Variants in VWC2L observed in about 807,000 individuals in gnomAD.
VWC2L encodes the protein von Willebrand factor C domain-containing protein 2-like.
In VWC2L, 10 loss-of-function variants were observed where a neutral mutation model predicts 21.6. The observed-to-expected ratio is 0.46, with a 90% confidence interval of 0.29 to 0.78. The LOEUF is 0.78. VWC2L is among the 30% of genes least tolerant of loss of function. VWC2L has a pLI of 0.10. For synonymous variants in VWC2L, 96 were observed against 94.3 expected (o/e 1.02, Z -0.10); for missense variants, 209 against 277.1 (o/e 0.75, Z 1.74).
chr2:214,442,910 C>T (rs1467678832), intron 3 of VWC2L, among the ~76,000 whole-genome samples: 1 of 152,110 alleles, frequency 6.6e-6, no homozygotes, highest in Non-Finnish European at 1.5e-5. Flanking sequence ...AGAGGAAATG[C>T]AGTTCATATA....
chr2:214,430,131 A>C (rs1702578161), intron 2 of VWC2L, among the ~76,000 whole-genome samples: 1 of 147,062 alleles, frequency 6.8e-6, no homozygotes, highest in African/African-American at 2.5e-5. Context: ...GCCAGGAAGA[A>C]AATAATTTTA....
At chr2:214,529,727 T>G (rs12471719) in intron 3 of VWC2L, among the ~76,000 whole-genome samples, 64,009 of 151,848 alleles carry the variant, frequency 0.42, 14,090 homozygotes, top group East Asian at 0.74. Flanking sequence ...TTTTCATTAT[T>G]GCATCGATTC....
At chr2:214,501,548 C>T (rs1688890708) in intron 3 of VWC2L, among the ~76,000 whole-genome samples, 1 of 151,874 alleles carries the variant, frequency 6.6e-6, no homozygotes, top group Non-Finnish European at 1.5e-5. Flanking sequence ...ATGGTGAAAC[C>T]CCATCTCTAA....
intron 2 of VWC2L, among the ~76,000 whole-genome samples, chr2:214,416,867 C>A (rs1452207387): frequency 2.0e-5 from 3 of 152,052 alleles, no homozygotes; most frequent in South Asian, 2.1e-4. Context: ...GACGGGTACA[C>A]AATAGGTATT....
At chr2:214,563,946 T>A (rs1690021499) in intron 3 of VWC2L, among the ~76,000 whole-genome samples, 1 of 152,322 alleles carries the variant, frequency 6.6e-6, no homozygotes, top group South Asian at 2.1e-4. Flanking sequence ...AAAACCCCAC[T>A]GTCTCAGCCC....
intron 3 of VWC2L, among the ~76,000 whole-genome samples, chr2:214,465,683 G>C (rs1255548682): frequency 6.6e-6 from 1 of 152,148 alleles, no homozygotes; most frequent in Non-Finnish European, 1.5e-5. Flanking sequence ...CTCAGCACCA[G>C]CACTTGCCCA....
chr2:214,488,807 C>T (rs1184568398), intron 3 of VWC2L, among the ~76,000 whole-genome samples: 1 of 152,122 alleles, frequency 6.6e-6, no homozygotes, highest in Non-Finnish European at 1.5e-5. Flanking sequence ...GTACAGAGAT[C>T]ACGTGGCAAG....
chr2:214,508,476 T>G (rs1277031903), intron 3 of VWC2L, among the ~76,000 whole-genome samples: 1 of 152,208 alleles, frequency 6.6e-6, no homozygotes, highest in Non-Finnish European at 1.5e-5. Flanking sequence ...CTATCAAGCT[T>G]TGCTCATAGG....
chr2:214,515,084 T>C (rs1157984784), intron 3 of VWC2L, among the ~76,000 whole-genome samples: 1 of 152,138 alleles, frequency 6.6e-6, no homozygotes, highest in East Asian at 1.9e-4. Flanking sequence ...GTTAATATAA[T>C]GTTAAAGGGT....
intron 2 of VWC2L, among the ~76,000 whole-genome samples, chr2:214,420,614 G>A (rs545519505): frequency 6.6e-6 from 1 of 152,308 alleles, no homozygotes; most frequent in South Asian, 2.1e-4. Context: ...AGAGAAATCA[G>A]TGGATTATGA....
At chr2:214,555,051 T>A (rs918644205) in intron 3 of VWC2L, among the ~76,000 whole-genome samples, 1 of 152,212 alleles carries the variant, frequency 6.6e-6, no homozygotes, top group African/African-American at 2.4e-5. Context: ...TTCTGAAGCC[T>A]AGAAGTTTTA....
At chr2:214,554,860 T>C (rs1037737984) in intron 3 of VWC2L, among the ~76,000 whole-genome samples, 1 of 152,188 alleles carries the variant, frequency 6.6e-6, no homozygotes, top group African/African-American at 2.4e-5. Flanking sequence ...CCTTAAAATA[T>C]ATTTCTTTGA....
At chr2:214,421,961 G>A (rs1383864366) in intron 2 of VWC2L, among the ~76,000 whole-genome samples, 2 of 117,016 alleles carry the variant, frequency 1.7e-5, no homozygotes, top group African/African-American at 7.8e-5. Flanking sequence ...GCGCGATCTC[G>A]ACTCTGCAAG....
intron 3 of VWC2L, among the ~76,000 whole-genome samples, chr2:214,547,972 T>C (rs992169103): frequency 1.3e-5 from 2 of 152,230 alleles, no homozygotes; most frequent in African/African-American, 4.8e-5. Context: ...CTGTATGCAT[T>C]AGAGTTTTTA....
chr2:214,440,141 G>A (rs1158598158), intron 3 of VWC2L, among the ~76,000 whole-genome samples: 1 of 151,818 alleles, frequency 6.6e-6, no homozygotes, highest in Non-Finnish European at 1.5e-5. Context: ...AATTAGTTCA[G>A]TACCAAGAAC....
At chr2:214,501,084 T>G (rs1688884119) in intron 3 of VWC2L, among the ~76,000 whole-genome samples, 1 of 152,316 alleles carries the variant, frequency 6.6e-6, no homozygotes, top group East Asian at 1.9e-4. Context: ...TTAGAGGGTG[T>G]GGTTTCAGGT....
At chr2:214,435,770 A>T (rs1702670196) in intron 2 of VWC2L, among the ~76,000 whole-genome samples, 1 of 152,176 alleles carries the variant, frequency 6.6e-6, no homozygotes, top group Non-Finnish European at 1.5e-5. Context: ...CCATGAGAAA[A>T]GTAGAGCTAG....
At chr2:214,418,592 T>C (rs1702389784) in intron 2 of VWC2L, among the ~76,000 whole-genome samples, 1 of 152,226 alleles carries the variant, frequency 6.6e-6, no homozygotes, top group Admixed American at 6.5e-5. Context: ...CTAGCGACAC[T>C]GTTTTCTTTT....
At chr2:214,540,863 G>A (rs1310470351) in intron 3 of VWC2L, among the ~76,000 whole-genome samples, 1 of 152,134 alleles carries the variant, frequency 6.6e-6, no homozygotes, top group Non-Finnish European at 1.5e-5. Flanking sequence ...TTTCATCAGT[G>A]ACAGAGTCAG....
Sources: gnomAD v4.1 joint callset for allele counts (sites outside exome capture counted in the v4.1 genomes callset) on GRCh38, gnomAD v4.1.1 for gene constraint, MANE v1.5 for transcripts, NCBI Gene and HGNC (gene_info 2026-07-23, HGNC 2026-07-21) for gene names.